Variants in CAPN14 observed in about 807,000 individuals in gnomAD.
The protein encoded by CAPN14 is calpain 14.
CAPN14 carries 94 observed loss-of-function variants against 101.3 expected under a neutral mutation model. The ratio of observed to expected loss-of-function variants is 0.93; its 90% CI spans 0.79 to 1.10. The LOEUF is 1.10. Among genes scored for constraint, CAPN14 ranks in the 50% least tolerant of loss-of-function variants. The probability of loss-of-function intolerance (pLI) is 0.00; values close to 1 mark genes in which losing one functional copy is unlikely to be tolerated. For synonymous variants in CAPN14, 338 were observed against 317.9 expected, an observed-to-expected ratio of 1.06 and a Z score of -0.67; for missense variants, 837 against 828.4, an observed-to-expected ratio of 1.01 and a Z score of -0.13.
intron 16 of CAPN14, among the ~76,000 whole-genome samples, chr2:31,182,280 A>G (rs547557244): frequency 0.018 from 2,657 of 150,240 alleles, 39 homozygotes; most frequent in Non-Finnish European, 0.023. Context: ...GGCACAAGAC[A>G]GGGATGCCCT....
chr2:31,180,935 C>A lies in CAPN14; in HGVS notation c.1710+1G>T, dbSNP rs773883138. 109 of 1,551,484 alleles carry A rather than the reference C, an allele frequency of 7.0e-5. No homozygotes were observed. In the Admixed American group the frequency reaches 8.6e-4, roughly 12 times the overall value. ...ATCCACCCACAAACCTGAAAGGATA[C>A]GTCCAGTAAGGCCAGGATCCCCTGG... is the stretch of plus-strand genomic sequence containing the variant. On this transcript the variant is annotated splice_donor_variant, in intron 17 of 21. Transcript: ENST00000403897. LOFTEE classifies it high-confidence loss of function.
chr2:31,204,002 T>C (rs1431344512), intron 2 of CAPN14, among the ~76,000 whole-genome samples: 1 of 152,212 alleles, frequency 6.6e-6, no homozygotes, highest in Non-Finnish European at 1.5e-5. Context: ...AGCTTCTTAA[T>C]TTAAATGTTT....
chr2:31,197,795 G>C (rs1206251633), intron 7 of CAPN14, among the ~76,000 whole-genome samples: 1 of 152,188 alleles, frequency 6.6e-6, no homozygotes, highest in Non-Finnish European at 1.5e-5. Context: ...GATGGAGGCA[G>C]AGAATGGAGT....
intron 3 of CAPN14, among the ~76,000 whole-genome samples, 157 bp downstream of exon 3, chr2:31,202,913 C>A (rs909421638): frequency 6.6e-6 from 1 of 152,200 alleles, no homozygotes; most frequent in Non-Finnish European, 1.5e-5. Context: ...CGGCAAAGAA[C>A]AGAACATGTC....
In CAPN14 at chr2:31,197,287, G is replaced by C. The variant is rs75342041; in HGVS notation, c.837C>G (p.Pro279=). ...RPEYLVKLRN[P]WGKVEWKGDW... ...CTCCTTTCCATTCCACCTTTCCCCA[G>C]GGGTTCCGTAGCTTGACGAGATATT... Residue 279 remains proline (P), a synonymous_variant, in exon 8 of 22, where the codon CCC becomes CCG. Coordinates refer to ENST00000403897, the MANE Select transcript of CAPN14 (RefSeq NM_001145122.2). The C allele has an allele frequency of 9.4e-4, 1,462 of 1,551,316 alleles. 12 individuals are homozygous for C. In the African/African-American group the frequency reaches 0.016, roughly 17 times the overall value.
At chr2:31,175,684 G>A (rs1216196619) in intron 21 of CAPN14, among the ~76,000 whole-genome samples, 1 of 152,208 alleles carries the variant, frequency 6.6e-6, no homozygotes, top group Non-Finnish European at 1.5e-5. Flanking sequence ...AAATCTTGGA[G>A]GGATTGAGGG....
In CAPN14 at chr2:31,186,773, T is replaced by C. The variant is rs142999800; in HGVS notation, c.1588-288A>G. On this transcript the variant is annotated intron_variant, in intron 15 of 21. Transcript: ENST00000403897. ...AAAACTCCAGATTTTAATCTTAGAG[T>C]TTATTAAAAGAAACTCTTTATATGA... is the stretch of plus-strand genomic sequence containing the variant. 7.2e-3 allele frequency among the ~76,000 whole-genome samples: 1,098 copies of C among 152,300 alleles called. 8 individuals carry two copies. The highest frequency in any genetic ancestry group is 0.014 in the East Asian group (70 of 5,184).
chr2:31,175,787 A>T (rs1419253869), intron 21 of CAPN14, among the ~76,000 whole-genome samples: 2 of 152,178 alleles, frequency 1.3e-5, no homozygotes, highest in African/African-American at 2.4e-5. Flanking sequence ...TGACTGAATC[A>T]TTTCTAAGTG....
chr2:31,174,545 C>T lies in CAPN14; in HGVS notation c.*136G>A. The stretch of plus-strand genomic sequence containing the variant: ...GGGAGGGCTGCAGAAGAGAAACCTT[C>T]CCAGCTGAGAAGGTGACGGCTAGTG... On this transcript the variant is annotated 3_prime_UTR_variant, in exon 22 of 22. Transcript: ENST00000403897. 1.1e-6 allele frequency: 1 copy of T among 871,146 alleles called. No individual in the cohort carries two copies. Among genetic ancestry groups the T allele is most frequent in the Non-Finnish European group, 1.8e-6 (1 of 550,936 alleles). The allele number at this position is 871,146 out of a possible 1,614,324, so 54.0% of individuals were successfully genotyped here.
chr2:31,191,879 C>T, intron 11 of CAPN14, 56 bp downstream of exon 11: 4 of 1,432,814 alleles, frequency 2.8e-6, no homozygotes, highest in Middle Eastern at 2.0e-4. Flanking sequence ...GACATGGTAA[C>T]TGTTGGTGAC....
At chr2:31,191,544 C>A in intron 11 of CAPN14, 137 bp from the exon 12 acceptor site, 1 of 779,302 alleles carries the variant, frequency 1.3e-6, no homozygotes, top group Non-Finnish European at 2.0e-6. Context: ...AAGCCGTGTC[C>A]CCTCCCACAA....
intron 1 of CAPN14, among the ~76,000 whole-genome samples, chr2:31,209,889 A>G (rs1024791108): frequency 6.6e-6 from 1 of 152,166 alleles, no homozygotes; most frequent in African/African-American, 2.4e-5. Flanking sequence ...TAAAAGAAAA[A>G]AAAAATTGAG....
chr2:31,202,899 T>C (rs1681868987), intron 3 of CAPN14, among the ~76,000 whole-genome samples, 171 bp downstream of exon 3: 2 of 152,170 alleles, frequency 1.3e-5, no homozygotes. Context: ...TTTTATAAAC[T>C]TCACGGCAAA....
chr2:31,193,006 A>G, intron 10 of CAPN14, 125 bp downstream of exon 10: 1 of 948,058 alleles, frequency 1.1e-6, no homozygotes, highest in African/African-American at 1.6e-5. Flanking sequence ...ACACACAGTG[A>G]GGCAAGCAGA....
chr2:31,201,115 G>GTGCA (rs1553395277), intron 5 of CAPN14, among the ~76,000 whole-genome samples: 29,813 of 151,202 alleles, frequency 0.2, 3,230 homozygotes, highest in East Asian at 0.37. Flanking sequence ...GCATGTGCGT[G>GTGCA]TGTGTGCATG....
chr2:31,210,951 ATT>A (rs138592559), intron 1 of CAPN14, among the ~76,000 whole-genome samples: 6,371 of 152,268 alleles, frequency 0.042, 142 homozygotes, highest in African/African-American at 0.054. Context: ...CAGTGACAGT[ATT>A]ACTAGAGTTT....
chr2:31,211,500 C>T (rs1682401243), intron 1 of CAPN14, among the ~76,000 whole-genome samples: 1 of 152,054 alleles, frequency 6.6e-6, no homozygotes, highest in South Asian at 2.1e-4. Context: ...TTCATAGCGA[C>T]TCAGGTTACT....
chr2:31,210,049 A>G (rs943524178), intron 1 of CAPN14, among the ~76,000 whole-genome samples: 2 of 152,206 alleles, frequency 1.3e-5, no homozygotes, highest in African/African-American at 4.8e-5. Context: ...AGGCTTTACA[A>G]AGGGTGGTCT....
intron 1 of CAPN14, among the ~76,000 whole-genome samples, chr2:31,210,309 G>A (rs1167601971): frequency 6.6e-5 from 10 of 152,102 alleles, no homozygotes; most frequent in Admixed American, 1.3e-4. Context: ...TTAGCCGGGC[G>A]TGGTGGCAGG....
Sources: gnomAD v4.1 joint callset for allele counts (sites outside exome capture counted in the v4.1 genomes callset) on GRCh38, gnomAD v4.1.1 for gene constraint, MANE v1.5 for transcripts, NCBI Gene and HGNC (gene_info 2026-07-23, HGNC 2026-07-21) for gene names.